The following CAPZA3 variants were observed in gnomAD, a reference collection of about 807,000 sequenced individuals.
CAPZA3 encodes F-actin-capping protein subunit alpha-3.
Under a neutral mutation model 23.6 loss-of-function variants are expected in CAPZA3, and 22 were observed. The ratio of observed to expected loss-of-function variants is 0.93; its 90% CI spans 0.67 to 1.33. The LOEUF is 1.33. Among genes scored for constraint, CAPZA3 ranks in the 40% most tolerant of loss-of-function variants. The probability of loss-of-function intolerance (pLI) is 0.00; values close to 1 mark genes in which losing one functional copy is unlikely to be tolerated. For synonymous variants in CAPZA3, 142 were observed against 126.5 expected, an observed-to-expected ratio of 1.12 and a Z score of -0.82; for missense variants, 357 against 345.9, an observed-to-expected ratio of 1.03 and a Z score of -0.25.
chr12:18,738,174 T>G lies in CAPZA3; in HGVS notation c.-95T>G. The G allele has an allele frequency of 8.4e-7, 1 of 1,194,574 alleles. No individual in the cohort carries two copies. The highest frequency in any genetic ancestry group is 1.2e-6 in the Non-Finnish European group (1 of 842,956). The allele number at this position is 1,194,574 out of a possible 1,614,324, so 74.0% of individuals were successfully genotyped here. ...TAGACATAAAAACCTTCAGCTTGAA[T>G]GTTAACACCTTGATGGGAAAGGTGG... On this transcript the variant is annotated 5_prime_UTR_variant, in exon 1 of 1. An upstream start codon of the reference 5' UTR is lost. Coordinates refer to ENST00000317658, the MANE Select transcript of CAPZA3 (RefSeq NM_033328.3).
At position 18,738,946 on chromosome 12, in the gene CAPZA3, A is replaced by T; in HGVS notation, c.678A>T (p.Ala226=). 1 of 1,613,848 alleles carries T rather than the reference A, an allele frequency of 6.2e-7. No individual in the cohort carries two copies. Among genetic ancestry groups the T allele is most frequent in the Non-Finnish European group, 8.5e-7 (1 of 1,179,956 alleles). ...VNQAQLALSF[A]RLVEEQENKF... is the part of the protein sequence containing the mutation. The stretch of plus-strand genomic sequence containing the variant: ...AAGCTCAACTGGCTCTAAGTTTTGC[A>T]AGGCTTGTGGAAGAGCAAGAGAACA... The change falls in exon 1 of 1, where the codon GCA becomes GCT. Residue 226 remains alanine (A), a synonymous_variant. Transcript: ENST00000317658.
In CAPZA3 at chr12:18,738,289, C is replaced by A. The variant is rs1304948292; in HGVS notation, c.21C>A (p.Ser7Arg). The change falls in exon 1 of 1, where the codon AGC becomes AGA. Residue 7 changes from serine (S) to arginine (R), a missense_variant. By Grantham distance (110) the Ser-to-Arg change is moderately radical (BLOSUM62 -1). Transcript: ENST00000317658. MTLSVL[S>R]RKDKERVIRR... ...CAAACATGACACTTAGCGTGCTGAG[C>A]AGGAAGGACAAGGAAAGAGTAATTC... is the stretch of plus-strand genomic sequence containing the variant. 19 of 1,610,844 alleles carry A rather than the reference C, an allele frequency of 1.2e-5. No homozygotes were observed. The highest frequency in any genetic ancestry group is 1.5e-5 in the Non-Finnish European group (18 of 1,178,394).
Position 18,738,238 on chromosome 12 carries a change from T to G in CAPZA3, c.-31T>G. 1 of 1,558,522 alleles carries G rather than the reference T, an allele frequency of 6.4e-7. No homozygotes were observed. Among genetic ancestry groups the G allele is most frequent in the Non-Finnish European group, 8.7e-7 (1 of 1,151,608 alleles). ...TTCTTATCCTTTGAACACTCCTCATTTCAGAAGCTTTGCTTCTGTTGCAAC... is the reference window on the plus strand; with the variant it reads ...TTCTTATCCTTTGAACACTCCTCATGTCAGAAGCTTTGCTTCTGTTGCAAC... On this transcript the variant is annotated 5_prime_UTR_variant, in exon 1 of 1. In the 5' UTR this introduces an upstream ATG that the reference lacks. Transcript: ENST00000317658.
rs1416127551 is a variant in CAPZA3, at chr12:18,739,071, A to C, written c.803A>C (p.Asp268Ala). The part of the protein sequence containing the change: ...RDLPVTRTLI[D>A]WHRILSDLNL... ...CTTCCAGTGACCCGCACTCTTATTGACTGGCACAGGATACTCTCTGACTTG... is the reference window on the plus strand; with the variant it reads ...CTTCCAGTGACCCGCACTCTTATTGCCTGGCACAGGATACTCTCTGACTTG... The change falls in exon 1 of 1, where the codon GAC becomes GCC. Residue 268 changes from aspartate to alanine, a missense_variant. Transcript: ENST00000317658. The C allele has an allele frequency of 1.2e-6, 2 of 1,612,580 alleles. No homozygotes were observed. The highest frequency in any genetic ancestry group is 8.5e-7 in the Non-Finnish European group (1 of 1,179,818).
Position 18,738,992 on chromosome 12 carries a change from G to C in CAPZA3, c.724G>C (p.Glu242Gln). Residue 242 changes from glutamate to glutamine, a missense_variant, in exon 1 of 1, where the codon GAA becomes CAA. Physicochemically the swap from Glu to Gln is conservative, Grantham distance 29. Coordinates refer to ENST00000317658, the MANE Select transcript of CAPZA3 (RefSeq NM_033328.3). ...GAACAAATTTCAAGCTGCAGTCTTG[G>C]AAGAATTACAGGAGTTATCCAATGA... ...QENKFQAAVL[E>Q]ELQELSNEAL... 1 of 1,612,812 alleles carries C rather than the reference G, an allele frequency of 6.2e-7. No individual in the cohort carries two copies. The highest frequency in any genetic ancestry group is 8.5e-7 in the Non-Finnish European group (1 of 1,179,950).
Position 18,738,653 on chromosome 12 carries a change from G to C in CAPZA3, c.385G>C (p.Val129Leu). 6.2e-7 allele frequency: 1 copy of C among 1,614,058 alleles called. No homozygotes were observed. The highest frequency in any genetic ancestry group is 1.1e-5 in the South Asian group (1 of 91,082). Residue 129 changes from valine to leucine, a missense_variant, in exon 1 of 1, where the codon GTG becomes CTG. Transcript: ENST00000317658. ...TCTTCTGTGCGCCTTAAAACTGTAT[G>C]TGAATGACCACTATCCAAAAGGAAA... ...VVLLCALKLY[V>L]NDHYPKGNCN... is the part of the protein sequence containing the mutation.
rs1171799316 is a variant in CAPZA3, at chr12:18,738,904, C to T, written c.636C>T (p.Ser212=). The T allele has an allele frequency of 1.2e-6, 2 of 1,614,002 alleles. No homozygotes were observed. The highest frequency in any genetic ancestry group is 4.5e-5 in the East Asian group (2 of 44,872). Residue 212 remains serine (S), a synonymous_variant, in exon 1 of 1, where the codon AGC becomes AGT. Coordinates refer to ENST00000317658, the MANE Select transcript of CAPZA3 (RefSeq NM_033328.3). ...AAATATCCAAGGACCTGAAAGAAAGCTTGGAAATAGTTAACCAAGCTCAAC... is the reference window on the plus strand; with the variant it reads ...AAATATCCAAGGACCTGAAAGAAAGTTTGGAAATAGTTAACCAAGCTCAAC... ...HIEISKDLKE[S]LEIVNQAQLA...
Position 18,738,371 on chromosome 12 carries a change from T to A in CAPZA3, c.103T>A (p.Cys35Ser), listed in dbSNP as rs765184466. The change falls in exon 1 of 1, where the codon TGT becomes AGT. Residue 35 changes from cysteine (C) to serine (S), a missense_variant. Cys to Ser is a moderately radical substitution (Grantham distance 112). Transcript: ENST00000317658. Reference sequence around the variant, plus strand: ...ATTTGTAAATGCCTTTGATGATCTCTGTCTGCTTATCCGTGATGAAAAACT... The same window carrying A: ...ATTTGTAAATGCCTTTGATGATCTCAGTCTGCTTATCCGTGATGAAAAACT... ...GEFVNAFDDLCLLIRDEKLMH... is the reference protein window; with the variant it reads ...GEFVNAFDDLSLLIRDEKLMH... The A allele has an allele frequency of 6.2e-7, 1 of 1,614,070 alleles. No individual in the cohort carries two copies. Among genetic ancestry groups the A allele is most frequent in the South Asian group, 1.1e-5 (1 of 91,088 alleles).
In CAPZA3 at chr12:18,738,481, C is replaced by A. The variant is rs376550649; in HGVS notation, c.213C>A (p.Leu71=). Residue 71 remains leucine (L), a synonymous_variant, in exon 1 of 1, where the codon CTC becomes CTA. Transcript: ENST00000317658. ...TCTGCATCGATGGAAATCCAGTACT[C>A]TTGTCTCACCACAATGTAATGGGCG... The part of the protein sequence containing the change: ...VPLCIDGNPV[L]LSHHNVMGDY... The A allele has an allele frequency of 1.8e-5, 29 of 1,614,008 alleles. No individual in the cohort carries two copies. Among genetic ancestry groups the A allele is most frequent in the Non-Finnish European group, 2.4e-5 (28 of 1,180,006 alleles).
Position 18,738,928 on chromosome 12 carries a change from A to T in CAPZA3, c.660A>T (p.Gln220His), listed in dbSNP as rs1006602063. The change falls in exon 1 of 1, where the codon CAA becomes CAT. Residue 220 changes from glutamine to histidine, a missense_variant. Physicochemically the swap from Gln to His is conservative, Grantham distance 24 (BLOSUM62 0). Transcript: ENST00000317658. ...GCTTGGAAATAGTTAACCAAGCTCA[A>T]CTGGCTCTAAGTTTTGCAAGGCTTG... ...KESLEIVNQA[Q>H]LALSFARLVE... is the part of the protein sequence containing the mutation. 1.2e-6 allele frequency: 2 copies of T among 1,614,004 alleles called. No individual in the cohort carries two copies. The highest frequency in any genetic ancestry group is 1.7e-6 in the Non-Finnish European group (2 of 1,179,974).
Position 18,738,848 on chromosome 12 carries a change from C to T in CAPZA3, c.580C>T (p.His194Tyr), listed in dbSNP as rs1021106187. 1.4e-5 allele frequency: 22 copies of T among 1,614,036 alleles called. No homozygotes were observed. The highest frequency in any genetic ancestry group is 1.9e-5 in the Non-Finnish European group (22 of 1,179,970). Reference sequence around the variant, plus strand: ...AACGGGAAGAATATTTGTGCAAGCTCACTTCTTCAGGTGTGTCAACCTTCA... The same window carrying T: ...AACGGGAAGAATATTTGTGCAAGCTTACTTCTTCAGGTGTGTCAACCTTCA... Reference protein sequence around the residue: ...QVTGRIFVQAHFFRCVNLHIE... With the variant: ...QVTGRIFVQAYFFRCVNLHIE... Residue 194 changes from histidine to tyrosine, a missense_variant, in exon 1 of 1, where the codon CAC (histidine) becomes TAC (tyrosine). Transcript: ENST00000317658.
At position 18,738,463 on chromosome 12, in the gene CAPZA3, C is replaced by G; in HGVS notation, c.195C>G (p.Ile65Met). 3 of 1,614,120 alleles carry G rather than the reference C, an allele frequency of 1.9e-6. No homozygotes were observed. Among genetic ancestry groups the G allele is most frequent in the Non-Finnish European group, 2.5e-6 (3 of 1,179,994 alleles). Reference sequence around the variant, plus strand: ...AAAAATATTCTGTACCACTCTGCATCGATGGAAATCCAGTACTCTTGTCTC... The same window carrying G: ...AAAAATATTCTGTACCACTCTGCATGGATGGAAATCCAGTACTCTTGTCTC... ...HCQKYSVPLC[I>M]DGNPVLLSHH... Residue 65 changes from isoleucine (I) to methionine (M), a missense_variant, in exon 1 of 1, where the codon ATC becomes ATG. Ile to Met is a conservative substitution (Grantham distance 10, BLOSUM62 1). Transcript: ENST00000317658.
At position 18,738,699 on chromosome 12, in the gene CAPZA3, C is replaced by T; in HGVS notation, c.431C>T (p.Thr144Ile). The T allele has an allele frequency of 6.2e-7, 1 of 1,614,024 alleles. No individual in the cohort carries two copies. Among genetic ancestry groups the T allele is most frequent in the Non-Finnish European group, 8.5e-7 (1 of 1,179,960 alleles). The part of the protein sequence containing the change: ...PKGNCNMLRK[T>I]VKSKEYLIAC... Reference sequence around the variant, plus strand: ...GGAAATTGCAACATGCTGAGAAAAACTGTCAAAAGTAAGGAGTACTTGATA... The same window carrying T: ...GGAAATTGCAACATGCTGAGAAAAATTGTCAAAAGTAAGGAGTACTTGATA... The change falls in exon 1 of 1, where the codon ACT becomes ATT. Residue 144 changes from threonine (T) to isoleucine (I), a missense_variant. Physicochemically the swap from Thr to Ile is moderately conservative, Grantham distance 89. Transcript: ENST00000317658.
chr12:18,738,503 G>A lies in CAPZA3; in HGVS notation c.235G>A (p.Gly79Ser). ...PVLLSHHNVM[G>S]DYRFFDHQSK... is the part of the protein sequence containing the mutation. ...ACTCTTGTCTCACCACAATGTAATG[G>A]GCGACTACCGATTTTTTGACCATCA... Residue 79 changes from glycine to serine, a missense_variant, in exon 1 of 1, where the codon GGC becomes AGC. Physicochemically the swap from Gly to Ser is moderately conservative, Grantham distance 56. Coordinates refer to ENST00000317658, the MANE Select transcript of CAPZA3 (RefSeq NM_033328.3). 4 of 1,614,008 alleles carry A rather than the reference G, an allele frequency of 2.5e-6. No individual in the cohort carries two copies. Among genetic ancestry groups the A allele is most frequent in the Non-Finnish European group, 3.4e-6 (4 of 1,179,992 alleles).
Position 18,738,850 on chromosome 12 carries a change from C to T in CAPZA3, c.582C>T (p.His194=). 6.2e-7 allele frequency: 1 copy of T among 1,614,072 alleles called. No individual in the cohort carries two copies. Among genetic ancestry groups the T allele is most frequent in the Non-Finnish European group, 8.5e-7 (1 of 1,179,980 alleles). Residue 194 remains histidine (H), a synonymous_variant, in exon 1 of 1, where the codon CAC becomes CAT. Transcript: ENST00000317658. ...QVTGRIFVQA[H]FFRCVNLHIE... ...CGGGAAGAATATTTGTGCAAGCTCACTTCTTCAGGTGTGTCAACCTTCATA... is the reference window on the plus strand; with the variant it reads ...CGGGAAGAATATTTGTGCAAGCTCATTTCTTCAGGTGTGTCAACCTTCATA...
In CAPZA3 at chr12:18,738,920, C is replaced by A. The variant is rs751922545; in HGVS notation, c.652C>A (p.Gln218Lys). 1.2e-6 allele frequency: 2 copies of A among 1,613,926 alleles called. No homozygotes were observed. The highest frequency in any genetic ancestry group is 1.7e-6 in the Non-Finnish European group (2 of 1,179,948). ...DLKESLEIVN[Q>K]AQLALSFARL... ...GAAAGAAAGCTTGGAAATAGTTAACCAAGCTCAACTGGCTCTAAGTTTTGC... is the reference window on the plus strand; with the variant it reads ...GAAAGAAAGCTTGGAAATAGTTAACAAAGCTCAACTGGCTCTAAGTTTTGC... Residue 218 changes from glutamine (Q) to lysine (K), a missense_variant, in exon 1 of 1, where the codon CAA (glutamine) becomes AAA (lysine). Gln to Lys is a moderately conservative substitution (Grantham distance 53). Transcript: ENST00000317658.
In CAPZA3 at chr12:18,738,719, T is replaced by G. The variant is rs752979803; in HGVS notation, c.451T>G (p.Leu151Val). Residue 151 changes from leucine to valine, a missense_variant, in exon 1 of 1, where the codon TTG becomes GTG. By Grantham distance (32) the Leu-to-Val change is conservative. Transcript: ENST00000317658. Reference protein sequence around the residue: ...LRKTVKSKEYLIACIEDHNYE... With the variant: ...LRKTVKSKEYVIACIEDHNYE... The stretch of plus-strand genomic sequence containing the variant: ...AAAAACTGTCAAAAGTAAGGAGTAC[T>G]TGATAGCTTGCATTGAAGATCACAA... 1 of 1,614,050 alleles carries G rather than the reference T, an allele frequency of 6.2e-7. No homozygotes were observed. The highest frequency in any genetic ancestry group is 1.1e-5 in the South Asian group (1 of 91,080).
At position 18,738,853 on chromosome 12, in the gene CAPZA3, C is replaced by T; in HGVS notation, c.585C>T (p.Phe195=). 6.2e-7 allele frequency: 1 copy of T among 1,614,050 alleles called. No homozygotes were observed. The highest frequency in any genetic ancestry group is 1.1e-5 in the South Asian group (1 of 91,080). The change falls in exon 1 of 1, where the codon TTC becomes TTT. Residue 195 remains phenylalanine, a synonymous_variant. Coordinates refer to ENST00000317658, the MANE Select transcript of CAPZA3 (RefSeq NM_033328.3). ...GAAGAATATTTGTGCAAGCTCACTT[C>T]TTCAGGTGTGTCAACCTTCATATTG... is the stretch of plus-strand genomic sequence containing the variant. ...VTGRIFVQAH[F]FRCVNLHIEI...
In CAPZA3 at chr12:18,738,731, A is replaced by G. The variant is rs779638442; in HGVS notation, c.463A>G (p.Ile155Val). The G allele has an allele frequency of 2.5e-6, 4 of 1,614,000 alleles. No individual in the cohort carries two copies. The highest frequency in any genetic ancestry group is 3.4e-6 in the Non-Finnish European group (4 of 1,179,994). The change falls in exon 1 of 1, where the codon ATT becomes GTT. Residue 155 changes from isoleucine (I) to valine (V), a missense_variant. Ile to Val is a conservative substitution (Grantham distance 29). Coordinates refer to ENST00000317658, the MANE Select transcript of CAPZA3 (RefSeq NM_033328.3). Reference sequence around the variant, plus strand: ...AAGTAAGGAGTACTTGATAGCTTGCATTGAAGATCACAACTATGAAACAGG... The same window carrying G: ...AAGTAAGGAGTACTTGATAGCTTGCGTTGAAGATCACAACTATGAAACAGG... Reference protein sequence around the residue: ...VKSKEYLIACIEDHNYETGEC... With the variant: ...VKSKEYLIACVEDHNYETGEC...
Sources: gnomAD v4.1 joint callset for allele counts on GRCh38, gnomAD v4.1.1 for gene constraint, MANE v1.5 for transcripts, NCBI Gene and HGNC (gene_info 2026-07-23, HGNC 2026-07-21) for gene names.